FBXW11: variants seen among roughly 807,000 people sequenced by gnomAD.
The protein encoded by FBXW11 is F-box and WD repeat domain containing 11.
Under a neutral mutation model 77.6 loss-of-function variants are expected in FBXW11, and 19 were observed. The ratio of observed to expected loss-of-function variants is 0.24; its 90% CI spans 0.17 to 0.36. The LOEUF (loss-of-function observed/expected upper bound fraction) is 0.36. FBXW11 is among the 10% of genes least tolerant of loss of function. The probability of loss-of-function intolerance (pLI) is 1.00; values close to 1 mark genes in which losing one functional copy is unlikely to be tolerated. For synonymous variants in FBXW11, 235 were observed against 249.4 expected (o/e 0.94, Z 0.54); for missense variants, 334 against 704.2 (o/e 0.47, Z 5.95).
chr5:171,969,016 T>C (rs772388789), intron 1 of FBXW11, among the ~76,000 whole-genome samples: 20 of 152,008 alleles, frequency 1.3e-4, no homozygotes, highest in Admixed American at 3.3e-4. Flanking sequence ...ATGCCTGTAA[T>C]CCTAGCACTC....
At position 171,959,100 on chromosome 5, in the gene FBXW11, T is replaced by C. The variant is rs942568084; in HGVS notation, c.46-1402A>G. Among the ~76,000 whole-genome samples the C allele has an allele frequency of 2.4e-4, 37 of 151,210 alleles. 1 individual carries two copies. The highest frequency in any genetic ancestry group is 8.3e-4 in the African/African-American group (34 of 41,038). On this transcript the variant is annotated intron_variant, in intron 1 of 13. Coordinates refer to ENST00000517395, the MANE Select transcript of FBXW11 (RefSeq NM_001378974.1). Reference sequence around the variant, plus strand: ...CAGTTCACCTATGATACACGGAATATTGAGATTACTTAGAAAAGGCATTTA... The same window carrying C: ...CAGTTCACCTATGATACACGGAATACTGAGATTACTTAGAAAAGGCATTTA...
intron 1 of FBXW11, among the ~76,000 whole-genome samples, chr5:171,962,990 C>A (rs1763987469): frequency 6.6e-6 from 1 of 152,146 alleles, no homozygotes; most frequent in Admixed American, 6.5e-5. Context: ...ATTTAATCCA[C>A]TTCCCACAGA....
chr5:171,901,125 A>T (rs1760089841), intron 4 of FBXW11, among the ~76,000 whole-genome samples: 1 of 152,220 alleles, frequency 6.6e-6, no homozygotes, highest in Non-Finnish European at 1.5e-5. Flanking sequence ...TGTGCCTTGA[A>T]TTTTTGTGCC....
At chr5:171,872,761 T>C in intron 10 of FBXW11, 111 bp downstream of exon 10, 2 of 775,536 alleles carry the variant, frequency 2.6e-6, no homozygotes, top group Non-Finnish European at 4.4e-6. Flanking sequence ...AAAGCTTTCT[T>C]ATCTGAAACA....
chr5:171,898,668 A>G (rs1165687198), intron 6 of FBXW11, among the ~76,000 whole-genome samples: 1 of 152,180 alleles, frequency 6.6e-6, no homozygotes, highest in Admixed American at 6.6e-5. Flanking sequence ...TCAAAAATGT[A>G]AAACAATGCT....
intron 6 of FBXW11, among the ~76,000 whole-genome samples, chr5:171,892,414 T>C (rs1160240854): frequency 6.6e-6 from 1 of 152,240 alleles, no homozygotes; most frequent in Non-Finnish European, 1.5e-5. Flanking sequence ...AAATCAGTAA[T>C]CGGACTAGCT....
rs1758297856 is a variant in FBXW11, at chr5:171,878,636, T to TC, written c.853-508_853-507insG. ...TGTGTGTGTGTGTGTGTGTGTGTTT[T>TC]AATTAGCCAGGTGTGGTGGTGTGTG... is the stretch of plus-strand genomic sequence containing the variant. On this transcript the variant is annotated intron_variant, in intron 7 of 13. Coordinates refer to ENST00000517395, the MANE Select transcript of FBXW11 (RefSeq NM_001378974.1). 3.4e-4 allele frequency among the ~76,000 whole-genome samples: 34 copies of TC among 100,592 alleles called. 1 individual carries two copies. Among genetic ancestry groups the TC allele is most frequent in the Non-Finnish European group, 1.4e-4 (6 of 42,522 alleles). 66.0% of individuals were successfully genotyped at this position (100,592 alleles called of 152,430 possible). A position where few individuals can be genotyped will look rare whatever the true frequency, so the allele number is the denominator to read the frequency against.
At chr5:171,974,154 G>A (rs1426248876) in intron 1 of FBXW11, among the ~76,000 whole-genome samples, 1 of 152,094 alleles carries the variant, frequency 6.6e-6, no homozygotes, top group Non-Finnish European at 1.5e-5. Flanking sequence ...AAAAACATAG[G>A]TCAGGCACAG....
At chr5:171,867,746 TA>T (rs948880363) in intron 13 of FBXW11, 28 of 152,338 alleles carry the variant, frequency 1.8e-4, no homozygotes, top group African/African-American at 6.5e-4. Context: ...TATGTAATGA[TA>T]AAAGACCACT....
intron 1 of FBXW11, among the ~76,000 whole-genome samples, chr5:171,963,523 T>C (rs534151555): frequency 2.0e-4 from 30 of 152,372 alleles, no homozygotes; most frequent in African/African-American, 7.0e-4. Context: ...AACTCTGTGC[T>C]ACAGCCCATC....
intron 1 of FBXW11, among the ~76,000 whole-genome samples, chr5:171,962,014 G>C (rs532901985): frequency 6.6e-6 from 1 of 152,098 alleles, no homozygotes; most frequent in African/African-American, 2.4e-5. Context: ...TTGATCATTC[G>C]AGAATAACTA....
intron 2 of FBXW11, among the ~76,000 whole-genome samples, chr5:171,919,303 T>C (rs1761438811): frequency 6.6e-6 from 1 of 152,160 alleles, no homozygotes; most frequent in African/African-American, 2.4e-5. Flanking sequence ...TTCTGATCTA[T>C]CTCTGCTCAA....
At chr5:171,924,073 C>A (rs1271024452) in intron 2 of FBXW11, among the ~76,000 whole-genome samples, 1 of 151,628 alleles carries the variant, frequency 6.6e-6, no homozygotes, top group Non-Finnish European at 1.5e-5. Context: ...TACAGGCACC[C>A]GCCACGACAC....
chr5:171,936,884 C>A (rs1452629423), intron 2 of FBXW11, among the ~76,000 whole-genome samples: 1 of 151,972 alleles, frequency 6.6e-6, no homozygotes, highest in Non-Finnish European at 1.5e-5. Flanking sequence ...AAAATAAGAG[C>A]CTCTGATCAA....
intron 2 of FBXW11, among the ~76,000 whole-genome samples, chr5:171,948,142 G>A (rs1353216860): frequency 6.6e-6 from 1 of 150,918 alleles, no homozygotes; most frequent in East Asian, 2.0e-4. Flanking sequence ...GGCTGAGGCA[G>A]GAGAATCGCT....
At chr5:171,968,360 A>G (rs1335630661) in intron 1 of FBXW11, among the ~76,000 whole-genome samples, 1 of 151,550 alleles carries the variant, frequency 6.6e-6, no homozygotes, top group Non-Finnish European at 1.5e-5. Context: ...CGGGAGGCTG[A>G]GGCAGGAGAA....
chr5:171,931,863 CTCT>C (rs1762223730), intron 2 of FBXW11, among the ~76,000 whole-genome samples: 2 of 3,430 alleles, frequency 5.8e-4, no homozygotes, highest in African/African-American at 1.3e-3. Context: ...CTCCCTCCCT[CTCT>C]CTCTCTCTCT....
rs1763162275 is a variant in FBXW11, at chr5:171,948,949, G to A, written c.147+8648C>T. ...TTCTTAGTGCTAGTACTATATGCAG[G>A]CATTGTGTTATCATTAAAACTTTCT... is the stretch of plus-strand genomic sequence containing the variant. On this transcript the variant is annotated intron_variant, in intron 2 of 13. Coordinates refer to ENST00000517395, the MANE Select transcript of FBXW11 (RefSeq NM_001378974.1). Among the ~76,000 whole-genome samples, 8 of 152,254 alleles carry A rather than the reference G, an allele frequency of 5.3e-5. No homozygotes were observed. The South Asian group carries it at 1.7e-3, about 32-fold the overall frequency.
At chr5:171,888,150 C>T (rs372472915) in intron 7 of FBXW11, among the ~76,000 whole-genome samples, 1 of 151,956 alleles carries the variant, frequency 6.6e-6, no homozygotes, top group African/African-American at 2.4e-5. Context: ...CCAGTCATGA[C>T]GACACACTGC....
Sources: allele counts gnomAD v4.1 joint callset (sites outside exome capture counted in the v4.1 genomes callset), GRCh38; gene constraint gnomAD v4.1.1; transcripts MANE v1.5; gene names NCBI Gene and HGNC (gene_info 2026-07-23, HGNC 2026-07-21).